The following RPS6KC1 variants were observed in gnomAD, a reference collection of about 807,000 sequenced individuals.
RPS6KC1 encodes the protein inactive ribosomal protein S6 kinase delta-1.
RPS6KC1 carries 54 observed loss-of-function variants against 103.8 expected under a neutral mutation model. The observed-to-expected ratio is 0.52, with a 90% CI of 0.42 to 0.65. RPS6KC1 has a LOEUF of 0.65. Among genes scored for constraint, RPS6KC1 ranks in the 30% least tolerant of loss-of-function variants. The probability of loss-of-function intolerance (pLI) is 0.00; values close to 1 mark genes in which losing one functional copy is unlikely to be tolerated. For missense variants in RPS6KC1, 1,151 were observed against 1,253.8 expected (o/e 0.92, Z 1.24); for synonymous variants, 439 against 438.7 (o/e 1.00, Z -0.01).
At chr1:213,324,593 C>CTTTTTTTTTTTTTTTTTT in the RPS6KC1 span, among the ~76,000 whole-genome samples, 1 of 81,822 alleles carries the variant, frequency 1.2e-5, no homozygotes, top group African/African-American at 4.0e-5. Context: ...GCTCGATATG[C>CTTTTTTTTTTTTTTTTTT]TTTTTTTTTT....
At chr1:213,691,770 A>C in the RPS6KC1 span, among the ~76,000 whole-genome samples, 1 of 152,132 alleles carries the variant, frequency 6.6e-6, no homozygotes, top group Admixed American at 6.6e-5. Context: ...GAAAGCATGC[A>C]CGGGAAGGAA....
At chr1:213,303,595 C>T in the RPS6KC1 span, among the ~76,000 whole-genome samples, 5 of 152,104 alleles carry the variant, frequency 3.3e-5, no homozygotes, top group Admixed American at 3.3e-4. Flanking sequence ...GGCTGTGTTT[C>T]TCCTGACAAA....
At chr1:213,786,984 T>C in the RPS6KC1 span, among the ~76,000 whole-genome samples, 6 of 152,078 alleles carry the variant, frequency 3.9e-5, no homozygotes, top group Non-Finnish European at 8.8e-5. Context: ...TACAGATAAA[T>C]GAGAATGAAA....
At chr1:213,853,655 C>T in the RPS6KC1 span, among the ~76,000 whole-genome samples, 32 of 152,190 alleles carry the variant, frequency 2.1e-4, no homozygotes, top group Non-Finnish European at 3.8e-4. Context: ...GTTTTCTCTT[C>T]AAGACACATT....
the RPS6KC1 span, among the ~76,000 whole-genome samples, chr1:213,692,309 C>A: frequency 6.6e-6 from 1 of 151,850 alleles, no homozygotes; most frequent in Admixed American, 6.5e-5. Flanking sequence ...GCATGAGAAT[C>A]CCTTGAACAC....
At chr1:213,373,941 C>A in the RPS6KC1 span, among the ~76,000 whole-genome samples, 1 of 152,018 alleles carries the variant, frequency 6.6e-6, no homozygotes, top group Non-Finnish European at 1.5e-5. Flanking sequence ...ACCTCTGTAT[C>A]CTTTGAAGGC....
intron 8 of RPS6KC1, among the ~76,000 whole-genome samples, chr1:213,225,021 T>C (rs781479756): frequency 2.0e-5 from 3 of 152,232 alleles, no homozygotes; most frequent in Non-Finnish European, 4.4e-5. Context: ...TGCTGGTGTG[T>C]TAAGAATGGC....
chr1:213,444,949 T>C, the RPS6KC1 span, among the ~76,000 whole-genome samples: 1 of 152,174 alleles, frequency 6.6e-6, no homozygotes, highest in African/African-American at 2.4e-5. Context: ...CATAATCCAT[T>C]TGAGAACATT....
intron 7 of RPS6KC1, among the ~76,000 whole-genome samples, chr1:213,170,246 ATAAG>A (rs2091367728): frequency 6.6e-6 from 1 of 152,192 alleles, no homozygotes; most frequent in Non-Finnish European, 1.5e-5. Flanking sequence ...TCTTAGGTAA[ATAAG>A]TATGTTGAGC....
the RPS6KC1 span, chr1:213,820,941 A>G: frequency 6.6e-6 from 1 of 152,226 alleles, no homozygotes; most frequent in African/African-American, 2.4e-5. Flanking sequence ...CCGCTCCCCA[A>G]GCATTTCTGT....
At chr1:213,470,439 T>G in the RPS6KC1 span, among the ~76,000 whole-genome samples, 1 of 152,164 alleles carries the variant, frequency 6.6e-6, no homozygotes, top group Admixed American at 6.5e-5. Context: ...CAAGGATACT[T>G]CATGGATGAT....
At chr1:213,280,115 C>T in the RPS6KC1 span, among the ~76,000 whole-genome samples, 1 of 151,974 alleles carries the variant, frequency 6.6e-6, no homozygotes, top group South Asian at 2.1e-4. Context: ...CCCAGGAGTC[C>T]TTGTGTCGGT....
At chr1:213,255,611 A>G (rs1423842180) in intron 12 of RPS6KC1, among the ~76,000 whole-genome samples, 1 of 152,214 alleles carries the variant, frequency 6.6e-6, no homozygotes, top group Non-Finnish European at 1.5e-5. Flanking sequence ...TGATAGCCAC[A>G]CAACCTCAGG....
the RPS6KC1 span, among the ~76,000 whole-genome samples, chr1:213,489,111 GA>G: frequency 1.3e-5 from 2 of 151,978 alleles, no homozygotes; most frequent in Non-Finnish European, 2.9e-5. Flanking sequence ...ATACATGCAA[GA>G]AAAAAAATCT....
chr1:213,395,116 G>A, the RPS6KC1 span, among the ~76,000 whole-genome samples: 1 of 152,212 alleles, frequency 6.6e-6, no homozygotes, highest in South Asian at 2.1e-4. Context: ...TGGGAACCCG[G>A]AACATGGAAT....
the RPS6KC1 span, among the ~76,000 whole-genome samples, chr1:213,576,507 C>A: frequency 6.6e-6 from 1 of 150,890 alleles, no homozygotes; most frequent in African/African-American, 2.4e-5. Flanking sequence ...ATTATTATAT[C>A]TTTTATGGTG....
the RPS6KC1 span, among the ~76,000 whole-genome samples, chr1:213,549,605 TCTTTTC>T: frequency 7.5e-6 from 1 of 134,078 alleles, no homozygotes; most frequent in East Asian, 2.5e-4. Context: ...TTCTTCTTTT[TCTTTTC>T]CTTTTTTTTT....
At chr1:213,777,578 TA>T in the RPS6KC1 span, among the ~76,000 whole-genome samples, 8 of 152,224 alleles carry the variant, frequency 5.3e-5, no homozygotes, top group Admixed American at 5.2e-4. Flanking sequence ...TATTATAATA[TA>T]AAAAATGGCA....
chr1:213,777,189 C>T, the RPS6KC1 span, among the ~76,000 whole-genome samples: 21,532 of 152,132 alleles, frequency 0.14, 1,636 homozygotes, highest in Middle Eastern at 0.29. Context: ...TCTTCACATT[C>T]GCAAATTGGG....
Sources: gnomAD v4.1 joint callset for allele counts (sites outside exome capture counted in the v4.1 genomes callset) on GRCh38, gnomAD v4.1.1 for gene constraint, MANE v1.5 for transcripts, NCBI Gene and HGNC (gene_info 2026-07-23, HGNC 2026-07-21) for gene names.